The following APBA1 variants were observed in gnomAD, a reference collection of about 807,000 sequenced individuals.
The protein encoded by APBA1 is amyloid-beta A4 precursor protein-binding family A member 1.
A neutral mutation model predicts 86.6 loss-of-function variants in APBA1; 55 were observed. The ratio of observed to expected loss-of-function variants is 0.64; its 90% confidence interval spans 0.51 to 0.80. The LOEUF (loss-of-function observed/expected upper bound fraction) is 0.80. Among genes scored for constraint, APBA1 ranks in the 30% least tolerant of loss-of-function variants. The pLI, the probability that APBA1 is intolerant of heterozygous loss-of-function variation, is 0.00. For synonymous variants in APBA1, 511 were observed against 493.9 expected (o/e 1.03, Z -0.46); for missense variants, 1,090 against 1,183.0 (o/e 0.92, Z 1.15).
chr9:69,560,109 T>G (rs911608664), intron 1 of APBA1, among the ~76,000 whole-genome samples: 2 of 152,198 alleles, frequency 1.3e-5, no homozygotes, highest in African/African-American at 4.8e-5. Flanking sequence ...CAACTGCCCC[T>G]GCATGCGTGG....
At chr9:69,610,859 G>T (rs1340490732) in intron 1 of APBA1, among the ~76,000 whole-genome samples, 1 of 152,064 alleles carries the variant, frequency 6.6e-6, no homozygotes, top group Non-Finnish European at 1.5e-5. Context: ...AAAATCAATG[G>T]TCATAATGTG....
Position 69,431,258 on chromosome 9 carries a change from G to A in APBA1, c.*69C>T. On this transcript the variant is annotated 3_prime_UTR_variant, in exon 13 of 13. Transcript: ENST00000265381. ...GAGGGGAAAGTCTCAGTGGACACAG[G>A]GATGCAGCACGAGAAACACAACCAC... is the stretch of plus-strand genomic sequence containing the variant. The A allele has an allele frequency of 7.8e-7, 1 of 1,277,036 alleles. No homozygotes were observed. Among genetic ancestry groups the A allele is most frequent in the Non-Finnish European group, 1.1e-6 (1 of 924,126 alleles). The allele number at this position is 1,277,036 out of a possible 1,614,324, so 79.1% of individuals were successfully genotyped here.
At position 69,641,036 on chromosome 9, in the gene APBA1, CTGCAGATGACATA is replaced by C. The variant is rs560084778; in HGVS notation, c.-70+31104_-70+31116del. On this transcript the variant is annotated intron_variant, in intron 1 of 12. Coordinates refer to ENST00000265381, the MANE Select transcript of APBA1 (RefSeq NM_001163.4). Reference sequence around the variant, plus strand: ...TTTCTTCATTTGCAGATGACATAATCTGCAGATGACATAATCTATGTAGAAAATACCGAGGAAT... The same window carrying C: ...TTTCTTCATTTGCAGATGACATAATCATCTATGTAGAAAATACCGAGGAAT... Among the ~76,000 whole-genome samples the C allele has an allele frequency of 4.4e-3, 672 of 152,060 alleles. 8 individuals carry two copies. Among genetic ancestry groups the C allele is most frequent in the African/African-American group, 0.015 (631 of 41,506 alleles).
chr9:69,460,597 G>A (rs1286525924), intron 5 of APBA1: 4 of 151,324 alleles, frequency 2.6e-5, no homozygotes, highest in East Asian at 1.9e-4. Flanking sequence ...CTAGGGAACC[G>A]ATTTGAAATA....
At chr9:69,452,976 A>T (rs547278536) in intron 8 of APBA1, among the ~76,000 whole-genome samples, 1 of 152,240 alleles carries the variant, frequency 6.6e-6, no homozygotes, top group Non-Finnish European at 1.5e-5. Context: ...TGAAATGTCA[A>T]CTGGAAAGTT....
Position 69,517,205 on chromosome 9 carries a change from G to C in APBA1, c.6C>G (p.Asn2Lys). The C allele has an allele frequency of 6.7e-7, 1 of 1,490,338 alleles. No individual in the cohort carries two copies. The highest frequency in any genetic ancestry group is 8.9e-7 in the Non-Finnish European group (1 of 1,119,560). 92.3% of individuals were successfully genotyped at this position (1,490,338 alleles called of 1,614,324 possible). A position where few individuals can be genotyped will look rare whatever the true frequency, so the allele number is the denominator to read the frequency against. M[N>K]HLEGSAEVEV... ...CCACCTCCGCAGACCCCTCCAAGTGGTTCATGGTGGGAGTCGGAACGGCTA... is the reference window on the plus strand; with the variant it reads ...CCACCTCCGCAGACCCCTCCAAGTGCTTCATGGTGGGAGTCGGAACGGCTA... Residue 2 changes from asparagine to lysine, a missense_variant, in exon 2 of 13, where the codon AAC becomes AAG. This residue lies in a region of APBA1 where 678 missense variants were observed against 647.1 expected (regional missense o/e 1.05). Transcript: ENST00000265381.
intron 1 of APBA1, among the ~76,000 whole-genome samples, chr9:69,541,515 T>C (rs1310141706): frequency 1.3e-5 from 2 of 151,916 alleles, no homozygotes; most frequent in South Asian, 4.2e-4. Context: ...TTAAAAGAAA[T>C]GTCTATTCAA....
chr9:69,618,136 A>G (rs1822741633), intron 1 of APBA1, among the ~76,000 whole-genome samples: 1 of 152,164 alleles, frequency 6.6e-6, no homozygotes, highest in Non-Finnish European at 1.5e-5. Flanking sequence ...CAAGTTGCAT[A>G]TTTATCATTT....
chr9:69,501,302 ATG>A (rs1835876150), intron 2 of APBA1, among the ~76,000 whole-genome samples: 1 of 152,160 alleles, frequency 6.6e-6, no homozygotes, highest in Admixed American at 6.5e-5. Context: ...GACTCAGAAC[ATG>A]TTGCCAGTTA....
At chr9:69,469,154 C>T (rs1408784575) in intron 4 of APBA1, among the ~76,000 whole-genome samples, 1 of 152,172 alleles carries the variant, frequency 6.6e-6, no homozygotes, top group Non-Finnish European at 1.5e-5. Flanking sequence ...AACCACCATG[C>T]CTAGCCTTGT....
intron 1 of APBA1, among the ~76,000 whole-genome samples, chr9:69,541,282 C>G (rs1481975581): frequency 7.6e-6 from 1 of 131,310 alleles, no homozygotes; most frequent in African/African-American, 2.8e-5. Flanking sequence ...TCTATATCAG[C>G]CGAACCATTT....
intron 1 of APBA1, among the ~76,000 whole-genome samples, chr9:69,604,678 G>C (rs1336748571): frequency 7.1e-6 from 1 of 140,824 alleles, no homozygotes; most frequent in Non-Finnish European, 1.5e-5. Context: ...AGAGGCATAT[G>C]AGCATGGGCA....
intron 2 of APBA1, chr9:69,494,222 G>T (rs1259220012): frequency 6.6e-6 from 1 of 152,062 alleles, no homozygotes; most frequent in African/African-American, 2.4e-5. Context: ...TAATACCAAT[G>T]AAACATTTTG....
chr9:69,619,241 C>T (rs993648423), intron 1 of APBA1, among the ~76,000 whole-genome samples: 2 of 152,138 alleles, frequency 1.3e-5, no homozygotes, highest in African/African-American at 4.8e-5. Context: ...AAATTACATT[C>T]ATGAAAATGA....
At position 69,597,533 on chromosome 9, in the gene APBA1, A is replaced by C. The variant is rs556529816; in HGVS notation, c.-70+74620T>G. On this transcript the variant is annotated intron_variant, in intron 1 of 12. Transcript: ENST00000265381. ...TTAGTTTAATTAGATCCCATTTGTC[A>C]ATTTTGGCTTTTGCTGCCATTGCTT... 3.2e-4 allele frequency among the ~76,000 whole-genome samples: 48 copies of C among 152,148 alleles called. No homozygotes were observed. The South Asian group carries it at 7.5e-3, about 24-fold the overall frequency.
At chr9:69,526,460 AT>A (rs767524088) in intron 1 of APBA1, among the ~76,000 whole-genome samples, 15 of 152,136 alleles carry the variant, frequency 9.9e-5, no homozygotes, top group Admixed American at 2.0e-4. Context: ...GCCAAGAAAC[AT>A]ATGAAAAAAT....
chr9:69,451,700 A>G (rs1835011923), intron 9 of APBA1, among the ~76,000 whole-genome samples: 2 of 152,166 alleles, frequency 1.3e-5, no homozygotes, highest in African/African-American at 4.8e-5. Flanking sequence ...CCATCCCCAG[A>G]GAAGCACAGC....
intron 1 of APBA1, among the ~76,000 whole-genome samples, chr9:69,545,021 C>T (rs951399473): frequency 2.0e-5 from 3 of 152,228 alleles, no homozygotes; most frequent in Admixed American, 6.5e-5. Context: ...ATCCTAGGAC[C>T]TGTTTCTTCC....
chr9:69,644,082 C>T (rs1047872350), intron 1 of APBA1, among the ~76,000 whole-genome samples: 3 of 152,192 alleles, frequency 2.0e-5, no homozygotes, highest in African/African-American at 7.2e-5. Flanking sequence ...TTTGCCATTA[C>T]TCTGCTTTAT....
Sources: gnomAD v4.1 joint callset for allele counts (sites outside exome capture counted in the v4.1 genomes callset) on GRCh38, gnomAD v4.1.1 for gene constraint, gnomAD v4.1.1 regional missense constraint, MANE v1.5 for transcripts, NCBI Gene and HGNC (gene_info 2026-07-23, HGNC 2026-07-21) for gene names.